ZNF486: variants seen among roughly 807,000 people sequenced by gnomAD.
ZNF486 encodes the protein KRAB box only protein 2.
In ZNF486, 12 loss-of-function variants were observed where a neutral mutation model predicts 12.8. The ratio of observed to expected loss-of-function variants is 0.94; its 90% CI spans 0.60 to 1.52. The LOEUF is 1.52. Among genes scored for constraint, ZNF486 ranks in the 40% most tolerant of loss-of-function variants. The pLI is 0.00. For synonymous variants in ZNF486, 231 were observed against 184.9 expected (o/e 1.25, Z -2.02); for missense variants, 738 against 545.0 (o/e 1.35, Z -3.53).
chr19:20,168,597 T>C lies in ZNF486; in HGVS notation c.30+1237T>C, dbSNP rs565767567. Among the ~76,000 whole-genome samples the C allele has an allele frequency of 5.3e-5, 8 of 150,754 alleles. No individual in the cohort carries two copies. The South Asian group carries it at 1.3e-3, about 24-fold the overall frequency. On this transcript the variant is annotated intron_variant, in intron 1 of 3. Coordinates refer to ENST00000335117, the MANE Select transcript of ZNF486 (RefSeq NM_052852.4). Reference sequence around the variant, plus strand: ...TGAACCCGGGAGGAGGAGGTTGCGGTGAGCCGAGATCGTGCCATTGCACTC... The same window carrying C: ...TGAACCCGGGAGGAGGAGGTTGCGGCGAGCCGAGATCGTGCCATTGCACTC...
At chr19:20,186,130 C>A in intron 3 of ZNF486, 48 bp downstream of exon 3, 1 of 1,445,492 alleles carries the variant, frequency 6.9e-7, no homozygotes, top group African/African-American at 1.5e-5. Flanking sequence ...GATAAGAGGT[C>A]CCAAGGTCAA....
chr19:20,171,089 T>G (rs1823786370), intron 1 of ZNF486, among the ~76,000 whole-genome samples: 1 of 152,196 alleles, frequency 6.6e-6, no homozygotes, highest in Middle Eastern at 3.2e-3. Flanking sequence ...AGAATTCAAA[T>G]ATTAGGCAAT....
In ZNF486 at chr19:20,192,845, C is replaced by A. The variant is rs140471736; in HGVS notation, c.254-4119C>A. Among the ~76,000 whole-genome samples, 518 of 152,224 alleles carry A rather than the reference C, an allele frequency of 3.4e-3. 3 individuals carry two copies. Among genetic ancestry groups the A allele is most frequent in the African/African-American group, 0.012 (490 of 41,520 alleles). On this transcript the variant is annotated intron_variant, in intron 3 of 3. Transcript: ENST00000335117. ...GGATCAAGTGATGAGCCTACCTTGG[C>A]CTTCCAAAGTCCTAAGATTACATTT... is the stretch of plus-strand genomic sequence containing the variant.
At chr19:20,185,756 T>C (rs573848149) in intron 2 of ZNF486, among the ~76,000 whole-genome samples, 17 of 151,410 alleles carry the variant, frequency 1.1e-4, no homozygotes, top group Non-Finnish European at 2.2e-4. Flanking sequence ...AATATAAGAT[T>C]GTATGATCTA....
intron 3 of ZNF486, 47 bp from the exon 4 acceptor site, chr19:20,196,917 A>C (rs782376310): frequency 6.6e-7 from 1 of 1,506,832 alleles, no homozygotes; most frequent in African/African-American, 1.4e-5. Context: ...AAGTATATTT[A>C]TCTGAGTCTA....
intron 3 of ZNF486, among the ~76,000 whole-genome samples, chr19:20,189,153 A>AT (rs2089878650): frequency 1.3e-5 from 2 of 151,970 alleles, no homozygotes; most frequent in South Asian, 4.1e-4. Flanking sequence ...CAGCTCACTG[A>AT]AACCTCTGCC....
chr19:20,169,888 G>GT (rs781968530), intron 1 of ZNF486, among the ~76,000 whole-genome samples: 8,037 of 108,844 alleles, frequency 0.074, 873 homozygotes, highest in African/African-American at 0.21. Flanking sequence ...GGGGTTGTAT[G>GT]TTTTTTTTTT....
chr19:20,195,252 T>G (rs896298351), intron 3 of ZNF486, among the ~76,000 whole-genome samples: 1 of 152,232 alleles, frequency 6.6e-6, no homozygotes, highest in African/African-American at 2.4e-5. Context: ...CACTGCAACG[T>G]TTCCCGCCTG....
chr19:20,192,914 A>G (rs1204174286), intron 3 of ZNF486, among the ~76,000 whole-genome samples: 1 of 152,212 alleles, frequency 6.6e-6, no homozygotes, highest in African/African-American at 2.4e-5. Context: ...ACAATGAATA[A>G]ACAAATGAAG....
chr19:20,193,017 T>C (rs2089917214), intron 3 of ZNF486, among the ~76,000 whole-genome samples: 1 of 152,168 alleles, frequency 6.6e-6, no homozygotes, highest in Non-Finnish European at 1.5e-5. Context: ...TTTCATTTTA[T>C]TTTGTACTGG....
intron 3 of ZNF486, among the ~76,000 whole-genome samples, chr19:20,187,404 A>G (rs2089859882): frequency 6.6e-6 from 1 of 151,446 alleles, no homozygotes; most frequent in African/African-American, 2.4e-5. Context: ...CTTCTGCCAC[A>G]TGCTTCCAGT....
intron 1 of ZNF486, among the ~76,000 whole-genome samples, chr19:20,169,889 T>TTG (rs1491144833): frequency 1.1e-5 from 1 of 93,094 alleles, no homozygotes; most frequent in African/African-American, 1.0e-4. Flanking sequence ...GGGTTGTATG[T>TTG]TTTTTTTTTT....
chr19:20,181,012 A>T lies in ZNF486; in HGVS notation c.31-3344A>T, dbSNP rs367646917. The stretch of plus-strand genomic sequence containing the variant: ...TTAAGTTTCTTTTAGGTAAGCTTAG[A>T]AGAAACAAAACTGGAAGTACCCCAG... On this transcript the variant is annotated intron_variant, in intron 1 of 3. Coordinates refer to ENST00000335117, the MANE Select transcript of ZNF486 (RefSeq NM_052852.4). Among the ~76,000 whole-genome samples, 31 of 152,282 alleles carry T rather than the reference A, an allele frequency of 2.0e-4. 1 individual carries two copies. The South Asian group carries it at 6.4e-3, about 32-fold the overall frequency.
chr19:20,183,312 A>G (rs1221171894), intron 1 of ZNF486, among the ~76,000 whole-genome samples: 2 of 152,212 alleles, frequency 1.3e-5, no homozygotes, highest in East Asian at 3.8e-4. Context: ...TGTATGTTCC[A>G]TTAGCTCTAT....
intron 3 of ZNF486, among the ~76,000 whole-genome samples, chr19:20,186,365 AC>A (rs2089846415): frequency 6.6e-6 from 1 of 152,146 alleles, no homozygotes; most frequent in Non-Finnish European, 1.5e-5. Flanking sequence ...AAGTGATTGC[AC>A]AATCTGGCTG....
chr19:20,185,271 G>T (rs2089829604), intron 2 of ZNF486, among the ~76,000 whole-genome samples: 1 of 151,888 alleles, frequency 6.6e-6, no homozygotes, highest in African/African-American at 2.4e-5. Context: ...TAGTAAATAA[G>T]ATTTTTTCTT....
At position 20,195,376 on chromosome 19, in the gene ZNF486, C is replaced by T. The variant is rs1555717746; in HGVS notation, c.254-1588C>T. Among the ~76,000 whole-genome samples, 4 of 152,240 alleles carry T rather than the reference C, an allele frequency of 2.6e-5. No individual in the cohort carries two copies. In the East Asian group the frequency reaches 5.8e-4, roughly 22 times the overall value. ...TAGATACAGGGTTTCACCATGTTGG[C>T]CAGGCTGGTCTCAAACTTCTGACCT... is the stretch of plus-strand genomic sequence containing the variant. On this transcript the variant is annotated intron_variant, in intron 3 of 3. Transcript: ENST00000335117.
chr19:20,182,886 T>C (rs1262533726), intron 1 of ZNF486, among the ~76,000 whole-genome samples: 1 of 152,098 alleles, frequency 6.6e-6, no homozygotes, highest in African/African-American at 2.4e-5. Context: ...TGAGAAGGAA[T>C]TCCAGAGGAG....
In ZNF486 at chr19:20,199,905, C is replaced by G. The variant is rs1300529106; in HGVS notation, c.*1803C>G. The G allele has an allele frequency of 2.0e-5, 3 of 151,200 alleles. No homozygotes were observed. Among genetic ancestry groups the G allele is most frequent in the Non-Finnish European group, 2.9e-5 (2 of 67,832 alleles). The allele number at this position is 151,200 out of a possible 1,614,324, so 9.4% of individuals were successfully genotyped here. On this transcript the variant is annotated 3_prime_UTR_variant, in exon 4 of 4. Transcript: ENST00000335117. The stretch of plus-strand genomic sequence containing the variant: ...CTTGGCCAAGATGGTGAAACCCTGT[C>G]TGTACTAAAAATACAAAAATTAGCC...
Sources: allele counts gnomAD v4.1 joint callset (sites outside exome capture counted in the v4.1 genomes callset), GRCh38; gene constraint gnomAD v4.1.1; transcripts MANE v1.5; gene names NCBI Gene and HGNC (gene_info 2026-07-23, HGNC 2026-07-21).